The following BFSP2 variants were observed in gnomAD, a reference collection of about 807,000 sequenced individuals.
BFSP2 encodes beaded filament structural protein 2.
Under a neutral mutation model 44.9 loss-of-function variants are expected in BFSP2, and 38 were observed. That is an observed-to-expected ratio of 0.85 (90% CI 0.65 to 1.11). The LOEUF is 1.11. Ranked by LOEUF, BFSP2 falls within the 50% of genes least tolerant of loss-of-function variation. The pLI, the probability that BFSP2 is intolerant of heterozygous loss-of-function variation, is 0.00. For missense variants in BFSP2, 525 were observed against 533.0 expected (o/e 0.99, Z 0.15); for synonymous variants, 197 against 209.9 (o/e 0.94, Z 0.53).
chr3:133,461,354 G>A (rs1419190260), intron 4 of BFSP2, among the ~76,000 whole-genome samples: 3 of 152,138 alleles, frequency 2.0e-5, no homozygotes, highest in Non-Finnish European at 4.4e-5. Flanking sequence ...GTTTCAAAAT[G>A]TCGACATGCT....
intron 5 of BFSP2, among the ~76,000 whole-genome samples, chr3:133,470,975 G>A (rs973165869): frequency 6.6e-6 from 1 of 152,202 alleles, no homozygotes; most frequent in Non-Finnish European, 1.5e-5. Flanking sequence ...AGGTGAGGAT[G>A]CTGGAAGGAA....
chr3:133,438,604 G>C (rs1197847944), intron 1 of BFSP2, among the ~76,000 whole-genome samples: 1 of 152,112 alleles, frequency 6.6e-6, no homozygotes, highest in African/African-American at 2.4e-5. Flanking sequence ...AGAGGAAAGT[G>C]TGGGTCAGGG....
chr3:133,405,086 G>A (rs569626468), intron 1 of BFSP2, among the ~76,000 whole-genome samples: 8 of 152,172 alleles, frequency 5.3e-5, no homozygotes, highest in Non-Finnish European at 1.0e-4. Flanking sequence ...CTTGTGCCTC[G>A]GAGCTGCAGA....
chr3:133,467,036 C>A, intron 5 of BFSP2, 77 bp downstream of exon 5: 1 of 1,580,392 alleles, frequency 6.3e-7, no homozygotes, highest in Non-Finnish European at 8.7e-7. Context: ...TATTATGGAT[C>A]TTAGTTTCCA....
intron 1 of BFSP2, among the ~76,000 whole-genome samples, chr3:133,446,605 T>C (rs1214551417): frequency 1.9e-4 from 8 of 43,118 alleles, no homozygotes; most frequent in African/African-American, 8.6e-4. Flanking sequence ...TATATATATA[T>C]ATATATATAT....
intron 1 of BFSP2, among the ~76,000 whole-genome samples, chr3:133,441,255 C>T (rs1481616676): frequency 4.6e-5 from 7 of 151,990 alleles, no homozygotes; most frequent in African/African-American, 1.7e-4. Context: ...AGGCTGGTCT[C>T]GAACTCCTGA....
intron 1 of BFSP2, among the ~76,000 whole-genome samples, chr3:133,402,522 T>C (rs1173664652): frequency 3.3e-5 from 5 of 152,188 alleles, no homozygotes; most frequent in Admixed American, 3.3e-4. Flanking sequence ...GGGCTCACTT[T>C]CCTCTTAAGT....
At chr3:133,436,256 G>A (rs1169649154) in intron 1 of BFSP2, among the ~76,000 whole-genome samples, 1 of 150,274 alleles carries the variant, frequency 6.7e-6, no homozygotes, top group African/African-American at 2.5e-5. Context: ...AACCCAGGAG[G>A]TGGAGCTTGC....
chr3:133,434,240 T>C (rs2107908692), intron 1 of BFSP2, among the ~76,000 whole-genome samples: 2 of 152,244 alleles, frequency 1.3e-5, no homozygotes, highest in Admixed American at 1.3e-4. Context: ...TTTTTCTCCT[T>C]CTCTTATTCC....
At chr3:133,468,526 G>T (rs530560943) in intron 5 of BFSP2, among the ~76,000 whole-genome samples, 2 of 152,134 alleles carry the variant, frequency 1.3e-5, no homozygotes, top group African/African-American at 4.8e-5. Flanking sequence ...AGCTTCTCTG[G>T]TGACTCAATT....
At chr3:133,469,602 T>G (rs891933994) in intron 5 of BFSP2, among the ~76,000 whole-genome samples, 6 of 152,238 alleles carry the variant, frequency 3.9e-5, no homozygotes, top group Admixed American at 3.3e-4. Flanking sequence ...ACCTGCAGAA[T>G]AAGTGTGCTT....
chr3:133,456,463 T>TTA (rs1452534431), intron 4 of BFSP2, among the ~76,000 whole-genome samples: 1 of 152,024 alleles, frequency 6.6e-6, no homozygotes, highest in Non-Finnish European at 1.5e-5. Flanking sequence ...CCTCAAGGGG[T>TTA]TATACAGGTG....
At position 133,465,305 on chromosome 3, in the gene BFSP2, C is replaced by A. The variant is rs1027985614; in HGVS notation, c.892-1523C>A. Among the ~76,000 whole-genome samples, 6 of 151,790 alleles carry A rather than the reference C, an allele frequency of 4.0e-5. No homozygotes were observed. The East Asian group carries it at 9.7e-4, about 25-fold the overall frequency. On this transcript the variant is annotated intron_variant, in intron 4 of 6. Coordinates refer to ENST00000302334, the MANE Select transcript of BFSP2 (RefSeq NM_003571.4). ...TACAGGCATGAGCCACTGCACCCAGCCTTGACTTGGGGTTTCTAGCCAGTC... is the reference window on the plus strand; with the variant it reads ...TACAGGCATGAGCCACTGCACCCAGACTTGACTTGGGGTTTCTAGCCAGTC...
intron 4 of BFSP2, among the ~76,000 whole-genome samples, chr3:133,463,277 C>G (rs2074080691): frequency 6.6e-6 from 1 of 152,074 alleles, no homozygotes; most frequent in South Asian, 2.1e-4. Context: ...CCATCGCACT[C>G]CAGCCTGGGG....
At chr3:133,447,199 C>T (rs961643847) in intron 1 of BFSP2, 118 bp from the exon 2 acceptor site, 4 of 947,238 alleles carry the variant, frequency 4.2e-6, no homozygotes, top group Non-Finnish European at 6.7e-6. Context: ...CAAATATTTG[C>T]TGTAAGAAAG....
In BFSP2 at chr3:133,402,519, C is replaced by T. The variant is rs182645981; in HGVS notation, c.489+1947C>T. Among the ~76,000 whole-genome samples, 294 of 152,232 alleles carry T rather than the reference C, an allele frequency of 1.9e-3. 1 individual carries two copies. Among genetic ancestry groups the T allele is most frequent in the Middle Eastern group, 0.017 (5 of 294 alleles). ...AGGGTCAGGATCCCACATGGGCTCA[C>T]TTTCCTCTTAAGTGACTATAAATGA... On this transcript the variant is annotated intron_variant, in intron 1 of 6. Transcript: ENST00000302334.
intron 1 of BFSP2, among the ~76,000 whole-genome samples, chr3:133,407,367 C>G (rs1194712014): frequency 6.6e-6 from 1 of 152,176 alleles, no homozygotes; most frequent in African/African-American, 2.4e-5. Flanking sequence ...CTGAAACACA[C>G]AAAATAGTCT....
chr3:133,434,943 G>A lies in BFSP2; in HGVS notation c.490-12374G>A, dbSNP rs537988096. Among the ~76,000 whole-genome samples the A allele has an allele frequency of 1.2e-4, 19 of 152,290 alleles. No individual in the cohort carries two copies. In the South Asian group the frequency reaches 3.5e-3, roughly 28 times the overall value. ...AAATAAACAGCTCCATCAAGTTCAA[G>A]ACACTTTTGTAAGCAATGATAGCAG... is the stretch of plus-strand genomic sequence containing the variant. On this transcript the variant is annotated intron_variant, in intron 1 of 6. Transcript: ENST00000302334.
intron 1 of BFSP2, among the ~76,000 whole-genome samples, chr3:133,439,050 A>G (rs528315208): frequency 6.6e-6 from 1 of 152,384 alleles, no homozygotes; most frequent in East Asian, 1.9e-4. Context: ...TTTCCTCATC[A>G]CATAATGGAA....
Sources: gnomAD v4.1 joint callset for allele counts (sites outside exome capture counted in the v4.1 genomes callset) on GRCh38, gnomAD v4.1.1 for gene constraint, MANE v1.5 for transcripts, NCBI Gene and HGNC (gene_info 2026-07-23, HGNC 2026-07-21) for gene names.